ZFYVE28: variants seen among roughly 807,000 people sequenced by gnomAD.
ZFYVE28 encodes lateral signaling target protein 2 homolog.
In ZFYVE28, 40 loss-of-function variants were observed where a neutral mutation model predicts 82.1. The observed-to-expected ratio is 0.49, with a 90% CI of 0.38 to 0.63. The LOEUF is 0.63. Among genes scored for constraint, ZFYVE28 ranks in the 30% least tolerant of loss-of-function variants. The pLI, the probability that ZFYVE28 is intolerant of heterozygous loss-of-function variation, is 0.00. For missense variants in ZFYVE28, 1,321 were observed against 1,242.1 expected (o/e 1.06, Z -0.96); for synonymous variants, 612 against 546.1 (o/e 1.12, Z -1.68).
intron 8 of ZFYVE28, among the ~76,000 whole-genome samples, chr4:2,277,977 C>T (rs577171258): frequency 2.6e-5 from 4 of 152,198 alleles, no homozygotes; most frequent in Admixed American, 6.5e-5. Context: ...AGCATAGGAC[C>T]GACATACAGA....
rs1718836970 is a variant in ZFYVE28 at position 2,320,026 on chromosome 4, C to A, written c.803+144G>T. The A allele has an allele frequency of 2.5e-6, 2 of 798,770 alleles. No homozygotes were observed. The highest frequency in any genetic ancestry group is 2.5e-5 in the Admixed American group (1 of 39,812). 49.5% of individuals were successfully genotyped at this position (798,770 alleles called of 1,614,324 possible). On this transcript the variant is annotated intron_variant, in intron 7 of 12. Transcript: ENST00000290974. This position sits in a 1 kb window ranked among gnomAD's most constrained non-coding sequence, Gnocchi z 5.1. ...GTGACCCCCATGGGTCGTTTGTGAC[C>A]CCTCCCTAGGGAATATTAACCAGCC...
Position 2,401,745 on chromosome 4 carries a change from C to T in ZFYVE28, c.39+16540G>A, listed in dbSNP as rs555608348. Among the ~76,000 whole-genome samples, 7 of 152,312 alleles carry T rather than the reference C, an allele frequency of 4.6e-5. No homozygotes were observed. The East Asian group carries it at 1.2e-3, about 25-fold the overall frequency. On this transcript the variant is annotated intron_variant, in intron 1 of 12. Transcript: ENST00000290974. ...CCACCCCAAGAACCTCTATGACCCC[C>T]GGGGCTCAGGTGCAGAGCAGAGGCC...
At chr4:2,354,220 C>T (rs993224568) in intron 1 of ZFYVE28, 147 bp from the exon 2 acceptor site, 3 of 950,448 alleles carry the variant, frequency 3.2e-6, no homozygotes, top group Non-Finnish European at 4.4e-6. Context: ...GCTTTCCACA[C>T]CAGGATCTAG....
At chr4:2,367,953 G>A (rs574417339) in intron 1 of ZFYVE28, among the ~76,000 whole-genome samples, 1 of 152,280 alleles carries the variant, frequency 6.6e-6, no homozygotes, top group African/African-American at 2.4e-5. Flanking sequence ...CTTGGTGCGT[G>A]CCAGTCGCGG....
chr4:2,300,385 C>G lies in ZFYVE28; in HGVS notation c.2051+3904G>C, dbSNP rs1282301615. Reference sequence around the variant, plus strand: ...AACTTCTCCAAAAGGATTCATTGACCACTGAGAAGGTCGGAAAGAAGCCAG... The same window carrying G: ...AACTTCTCCAAAAGGATTCATTGACGACTGAGAAGGTCGGAAAGAAGCCAG... On this transcript the variant is annotated intron_variant, in intron 8 of 12. Coordinates refer to ENST00000290974, the MANE Select transcript of ZFYVE28 (RefSeq NM_020972.3). The surrounding 1 kb of genome is among the most constrained non-coding windows in gnomAD (Gnocchi z 4.6). Among the ~76,000 whole-genome samples the G allele has an allele frequency of 6.6e-6, 1 of 152,144 alleles. No individual in the cohort carries two copies. The highest frequency in any genetic ancestry group is 2.4e-5 in the African/African-American group (1 of 41,424).
At chr4:2,412,396 G>A (rs1382619922) in intron 1 of ZFYVE28, among the ~76,000 whole-genome samples, 1 of 152,188 alleles carries the variant, frequency 6.6e-6, no homozygotes, top group Non-Finnish European at 1.5e-5. Flanking sequence ...GTTACTGTGA[G>A]TCTTGGACAG....
intron 1 of ZFYVE28, among the ~76,000 whole-genome samples, chr4:2,399,083 A>AGGAGAGATCCAGGGCACAAGCGTGG (rs1297197658): frequency 6.8e-5 from 8 of 117,490 alleles, no homozygotes; most frequent in South Asian, 2.8e-4. Context: ...CACAAGCGTG[A>AGGAGAGATCCAGGGCACAAGCGTGG]AGGTGAGATC....
At chr4:2,351,578 G>T (rs1406867177) in intron 2 of ZFYVE28, among the ~76,000 whole-genome samples, 1 of 152,178 alleles carries the variant, frequency 6.6e-6, no homozygotes, top group African/African-American at 2.4e-5. Flanking sequence ...GCAGGGCATG[G>T]TGGCGCATGC....
At chr4:2,290,733 C>A (rs1223351490) in intron 8 of ZFYVE28, among the ~76,000 whole-genome samples, 1 of 152,166 alleles carries the variant, frequency 6.6e-6, no homozygotes, top group African/African-American at 2.4e-5. Flanking sequence ...AGGGGCCAGG[C>A]ATCGCCTTGG....
chr4:2,390,383 C>T (rs1195583180), intron 1 of ZFYVE28, among the ~76,000 whole-genome samples: 2 of 152,140 alleles, frequency 1.3e-5, no homozygotes, highest in Non-Finnish European at 2.9e-5. Context: ...TTGTTGGTGA[C>T]GGCCACAGGA....
intron 1 of ZFYVE28, among the ~76,000 whole-genome samples, chr4:2,360,413 ACACACACACACACAGGCACG>A (rs950765241): frequency 1.3e-5 from 2 of 151,390 alleles, no homozygotes; most frequent in African/African-American, 4.8e-5. Flanking sequence ...ACACACACAC[ACACACACACACACAGGCACG>A]CACGCACACA....
chr4:2,369,400 T>C (rs3135139), intron 1 of ZFYVE28, among the ~76,000 whole-genome samples: 101,322 of 151,668 alleles, frequency 0.67, 34,144 homozygotes, highest in East Asian at 0.8. Context: ...GAGAGGCCCT[T>C]GAGTAAGGAA....
chr4:2,331,759 AG>A (rs1720744567), intron 6 of ZFYVE28, among the ~76,000 whole-genome samples: 1 of 152,104 alleles, frequency 6.6e-6, no homozygotes, highest in South Asian at 2.1e-4. Context: ...CTGCCTGGTA[AG>A]GCCAGACCCC....
chr4:2,327,362 T>C (rs1055205013), intron 6 of ZFYVE28, among the ~76,000 whole-genome samples: 3 of 147,600 alleles, frequency 2.0e-5, no homozygotes, highest in African/African-American at 7.5e-5. Context: ...CCTATTTGGA[T>C]GCCTTTTCTT....
rs116762510 is a variant in ZFYVE28, at chr4:2,339,171, G to C, written c.521+282C>G. ...CTTCATCTTCCGAGGCATCATGCAT[G>C]TCTGGCCCCTCGGGCCTCTCCAAAG... On this transcript the variant is annotated intron_variant, in intron 4 of 12. Transcript: ENST00000290974. The surrounding 1 kb of genome is among the most constrained non-coding windows in gnomAD (Gnocchi z 5.0). Among the ~76,000 whole-genome samples the C allele has an allele frequency of 2.3e-3, 344 of 152,250 alleles. No homozygotes were observed. The highest frequency in any genetic ancestry group is 7.9e-3 in the African/African-American group (327 of 41,548).
intron 1 of ZFYVE28, among the ~76,000 whole-genome samples, chr4:2,389,523 C>T (rs1385197338): frequency 6.6e-6 from 1 of 152,130 alleles, no homozygotes; most frequent in East Asian, 1.9e-4. Context: ...CCTGCTACAC[C>T]CAAGGGACAC....
At chr4:2,321,987 G>A (rs1030532181) in intron 6 of ZFYVE28, among the ~76,000 whole-genome samples, 4 of 152,174 alleles carry the variant, frequency 2.6e-5, no homozygotes, top group Admixed American at 6.5e-5. Flanking sequence ...AGGCTGCTGC[G>A]CCACTTCCTC....
In ZFYVE28 at chr4:2,335,189, CCAT is replaced by C. The variant is rs1038109292; in HGVS notation, c.701+513_701+515del. ...GCAGGAAAGGTTCCACACAGGTATTCCATCAGCCAGACCAACTGCCCCCACCTG... is the reference window on the plus strand; with the variant it reads ...GCAGGAAAGGTTCCACACAGGTATTCCAGCCAGACCAACTGCCCCCACCTG... On this transcript the variant is annotated intron_variant, in intron 6 of 12. Coordinates refer to ENST00000290974, the MANE Select transcript of ZFYVE28 (RefSeq NM_020972.3). This position sits in a 1 kb window ranked among gnomAD's most constrained non-coding sequence, Gnocchi z 5.8. Among the ~76,000 whole-genome samples the C allele has an allele frequency of 1.3e-5, 2 of 151,958 alleles. No individual in the cohort carries two copies. The highest frequency in any genetic ancestry group is 2.9e-5 in the Non-Finnish European group (2 of 67,984).
At chr4:2,349,812 A>T (rs1724094898) in intron 2 of ZFYVE28, among the ~76,000 whole-genome samples, 1 of 152,210 alleles carries the variant, frequency 6.6e-6, no homozygotes, top group Non-Finnish European at 1.5e-5. Flanking sequence ...CTGAAAAAAA[A>T]AATCTAACAT....
Sources: allele counts gnomAD v4.1 joint callset (sites outside exome capture counted in the v4.1 genomes callset), GRCh38; gene constraint gnomAD v4.1.1; non-coding constraint Gnocchi (gnomAD v3.1); transcripts MANE v1.5; gene names NCBI Gene and HGNC (gene_info 2026-07-23, HGNC 2026-07-21).